The following DACH1 variants were observed in gnomAD, a reference collection of about 807,000 sequenced individuals.
DACH1 encodes dachshund family transcription factor 1.
DACH1 carries 12 observed loss-of-function variants against 54.2 expected under a neutral mutation model. That is an observed-to-expected ratio of 0.22 (90% CI 0.14 to 0.36). The LOEUF (loss-of-function observed/expected upper bound fraction) is 0.36, where lower values mean the gene tolerates loss of function less well. DACH1 is among the 10% of genes least tolerant of loss of function. DACH1 has a pLI of 1.00. For synonymous variants in DACH1, 386 were observed against 366.2 expected (o/e 1.05, Z -0.62); for missense variants, 805 against 929.8 (o/e 0.87, Z 1.75).
intron 2 of DACH1, among the ~76,000 whole-genome samples, chr13:71,662,339 T>C (rs1879561039): frequency 6.6e-6 from 1 of 151,940 alleles, no homozygotes; most frequent in Admixed American, 6.6e-5. Flanking sequence ...ACGATCAAAA[T>C]ATAACAACCA....
intron 10 of DACH1, among the ~76,000 whole-genome samples, chr13:71,441,671 T>C (rs1479183521): frequency 1.3e-5 from 2 of 152,048 alleles, no homozygotes; most frequent in South Asian, 2.1e-4. Flanking sequence ...ATAAATGACC[T>C]ATAGTACATT....
At chr13:71,827,267 C>T (rs1466758087) in intron 1 of DACH1, among the ~76,000 whole-genome samples, 2 of 151,944 alleles carry the variant, frequency 1.3e-5, no homozygotes, top group Admixed American at 6.6e-5. Context: ...GGGATGCAGG[C>T]GGGGCTGAAT....
intron 2 of DACH1, among the ~76,000 whole-genome samples, chr13:71,681,502 C>T (rs1267702784): frequency 6.6e-6 from 1 of 152,134 alleles, no homozygotes. Context: ...TTTCTCTGAA[C>T]TTTGATTCCT....
chr13:71,473,606 C>A (rs1256662973), intron 10 of DACH1, among the ~76,000 whole-genome samples: 2 of 152,130 alleles, frequency 1.3e-5, no homozygotes, highest in Non-Finnish European at 2.9e-5. Context: ...CATATTATAT[C>A]ATCAACCATA....
chr13:71,632,049 G>A (rs1877144948), intron 2 of DACH1, among the ~76,000 whole-genome samples: 1 of 151,600 alleles, frequency 6.6e-6, no homozygotes, highest in African/African-American at 2.4e-5. Context: ...AGTAAGCTGT[G>A]AGCACACTTG....
chr13:71,710,452 TTGTGTGTGTGTG>T (rs71681955), intron 1 of DACH1, among the ~76,000 whole-genome samples: 213 of 140,654 alleles, frequency 1.5e-3, no homozygotes, highest in East Asian at 7.7e-3. Flanking sequence ...TATGAGGGTT[TTGTGTGTGTGTG>T]TGTGTGTGTG....
At chr13:71,587,514 G>A (rs1172375643) in intron 3 of DACH1, among the ~76,000 whole-genome samples, 1 of 151,932 alleles carries the variant, frequency 6.6e-6, no homozygotes, top group Non-Finnish European at 1.5e-5. Context: ...AACTTATGAT[G>A]GACTTGGAAT....
In DACH1 at chr13:71,742,604, T is replaced by C. The variant is rs551090986; in HGVS notation, c.849-60694A>G. Among the ~76,000 whole-genome samples, 5 of 152,296 alleles carry C rather than the reference T, an allele frequency of 3.3e-5. No homozygotes were observed. The South Asian group carries it at 1.0e-3, about 32-fold the overall frequency. ...TTTCTCTGCAAAATAGAAGTGTCAA[T>C]GAAAAATAAAGATATGTTTTACTAT... is the stretch of plus-strand genomic sequence containing the variant. On this transcript the variant is annotated intron_variant, in intron 1 of 10. Transcript: ENST00000613252.
At chr13:71,675,154 C>G (rs1181448409) in intron 2 of DACH1, 11 of 1,579,218 alleles carry the variant, frequency 7.0e-6, no homozygotes, top group Non-Finnish European at 8.7e-6. Flanking sequence ...CAAGAGTGCG[C>G]CCTCTACTGG....
At chr13:71,732,699 T>C (rs183121564) in intron 1 of DACH1, among the ~76,000 whole-genome samples, 435 of 152,280 alleles carry the variant, frequency 2.9e-3, no homozygotes, top group Admixed American at 4.5e-3. Context: ...TACAGTTTTA[T>C]TGGAATGCTG....
chr13:71,647,352 A>G lies in DACH1; in HGVS notation c.965-16635T>C, dbSNP rs1205634465. On this transcript the variant is annotated intron_variant, in intron 2 of 10. Transcript: ENST00000613252. Reference sequence around the variant, plus strand: ...AGTTTTCACGAGCACAATTACAGTTAGATAAATCAGGAAATCAATGATGTC... The same window carrying G: ...AGTTTTCACGAGCACAATTACAGTTGGATAAATCAGGAAATCAATGATGTC... Among the ~76,000 whole-genome samples, 3 of 152,234 alleles carry G rather than the reference A, an allele frequency of 2.0e-5. No individual in the cohort carries two copies. In the East Asian group the frequency reaches 5.8e-4, roughly 29 times the overall value.
chr13:71,862,542 C>T (rs1874426670), intron 1 of DACH1, among the ~76,000 whole-genome samples: 2 of 151,882 alleles, frequency 1.3e-5, no homozygotes, highest in Admixed American at 1.3e-4. Context: ...TATTTTTTAG[C>T]TTTACATTTC....
At chr13:71,441,347 C>T (rs576546406) in intron 10 of DACH1, among the ~76,000 whole-genome samples, 6 of 151,956 alleles carry the variant, frequency 3.9e-5, no homozygotes, top group East Asian at 1.9e-4. Context: ...TTAGAGACAT[C>T]GAATAAATCC....
intron 7 of DACH1, among the ~76,000 whole-genome samples, chr13:71,487,304 G>C (rs1878617671): frequency 6.6e-6 from 1 of 152,076 alleles, no homozygotes; most frequent in Non-Finnish European, 1.5e-5. Context: ...GAAGGCATAT[G>C]GTAGGAAAGG....
chr13:71,861,858 A>G (rs1000352607), intron 1 of DACH1, among the ~76,000 whole-genome samples: 3 of 150,774 alleles, frequency 2.0e-5, no homozygotes, highest in Admixed American at 2.0e-4. Flanking sequence ...GGCAAATGTT[A>G]AATAAATATA....
chr13:71,542,266 C>A (rs1883183644), intron 6 of DACH1, among the ~76,000 whole-genome samples: 2 of 151,724 alleles, frequency 1.3e-5, no homozygotes, highest in East Asian at 3.9e-4. Context: ...TAAATAAATA[C>A]ATACATAGAT....
At chr13:71,844,672 C>G (rs1372796391) in intron 1 of DACH1, among the ~76,000 whole-genome samples, 1 of 152,152 alleles carries the variant, frequency 6.6e-6, no homozygotes, top group Middle Eastern at 3.4e-3. Context: ...CCGTTAACTC[C>G]TTACCTTAAT....
At chr13:71,863,374 GC>G (rs1169763917) in intron 1 of DACH1, among the ~76,000 whole-genome samples, 2 of 148,044 alleles carry the variant, frequency 1.4e-5, no homozygotes, top group Non-Finnish European at 3.0e-5. Context: ...GTTTGAGTAA[GC>G]TTTTTTAGTT....
intron 1 of DACH1, among the ~76,000 whole-genome samples, chr13:71,822,266 G>C (rs1164509157): frequency 6.6e-6 from 1 of 152,134 alleles, no homozygotes; most frequent in Admixed American, 6.5e-5. Flanking sequence ...TATATTTGTA[G>C]TGAACAGAGA....
Sources: allele counts gnomAD v4.1 joint callset (sites outside exome capture counted in the v4.1 genomes callset), GRCh38; gene constraint gnomAD v4.1.1; transcripts MANE v1.5; gene names NCBI Gene and HGNC (gene_info 2026-07-23, HGNC 2026-07-21).